Variants in NAF1 observed in about 807,000 individuals in gnomAD.
NAF1 encodes the protein H/ACA ribonucleoprotein complex non-core subunit NAF1.
Under a neutral mutation model 40.6 loss-of-function variants are expected in NAF1, and 11 were observed. The ratio of observed to expected loss-of-function variants is 0.27; its 90% CI spans 0.17 to 0.45. The LOEUF (loss-of-function observed/expected upper bound fraction) is 0.45, where lower values mean the gene tolerates loss of function less well. Ranked by LOEUF, NAF1 falls within the 20% of genes least tolerant of loss-of-function variation. The pLI is 1.00. For synonymous variants in NAF1, 260 were observed against 228.5 expected, an observed-to-expected ratio of 1.14 and a Z score of -1.24; for missense variants, 607 against 611.1, an observed-to-expected ratio of 0.99 and a Z score of 0.07.
At chr4:163,158,190 ACCCAACACAGGACATGCACGTG>A (rs948467409) in intron 2 of NAF1, 1 of 152,122 alleles carries the variant, frequency 6.6e-6, no homozygotes, top group African/African-American at 2.4e-5. Flanking sequence ...TTCTCATATT[ACCCAACACAGGACATGCACGTG>A]GCAGCCAATT....
At chr4:163,134,960 A>C (rs1730999495) in intron 6 of NAF1, 1 of 152,138 alleles carries the variant, frequency 6.6e-6, no homozygotes, top group Admixed American at 6.5e-5. Context: ...CTCTGGTAGT[A>C]TTTTGCTATC....
intron 2 of NAF1, among the ~76,000 whole-genome samples, chr4:163,158,740 CCTAT>C (rs1385925361): frequency 6.6e-6 from 1 of 152,076 alleles, no homozygotes; most frequent in African/African-American, 2.4e-5. Context: ...TAACTTTAAG[CCTAT>C]CTTTCATGTT....
At chr4:163,156,422 CCT>C (rs1351535092) in intron 2 of NAF1, among the ~76,000 whole-genome samples, 1 of 147,354 alleles carries the variant, frequency 6.8e-6, no homozygotes, top group Admixed American at 6.8e-5. Context: ...ACCAACAACC[CCT>C]GTTAAAAGAA....
At chr4:163,148,824 C>A (rs1056781677) in intron 2 of NAF1, among the ~76,000 whole-genome samples, 1 of 152,114 alleles carries the variant, frequency 6.6e-6, no homozygotes, top group African/African-American at 2.4e-5. Flanking sequence ...CACATAAGTT[C>A]TTTTAGCTGT....
intron 3 of NAF1, among the ~76,000 whole-genome samples, chr4:163,147,170 A>G (rs1394395436): frequency 6.6e-6 from 1 of 152,206 alleles, no homozygotes; most frequent in Non-Finnish European, 1.5e-5. Flanking sequence ...ATTTTAATCT[A>G]CATTTTTATT....
intron 4 of NAF1, chr4:163,141,945 C>A (rs2110941092): frequency 1.0e-6 from 1 of 980,544 alleles, no homozygotes; most frequent in African/African-American, 1.7e-5. Flanking sequence ...CAGGGCACCA[C>A]CATTCTGAAG....
the NAF1 span, among the ~76,000 whole-genome samples, chr4:163,104,845 G>A: frequency 1.3e-5 from 2 of 152,172 alleles, no homozygotes; most frequent in African/African-American, 2.4e-5. Context: ...AAATGACTAG[G>A]AAAGCTATTA....
chr4:163,105,675 A>G (rs1051847033), downstream of NAF1, among the ~76,000 whole-genome samples: 1 of 152,204 alleles, frequency 6.6e-6, no homozygotes, highest in Non-Finnish European at 1.5e-5. Flanking sequence ...TCCCTACAAA[A>G]TAGAATGCCT....
At position 163,115,208 on chromosome 4, in the gene NAF1, TTTA is replaced by T. The variant is rs1422015881; in HGVS notation, c.115-4921_115-4919del. ...GCGATATAGGACAATAATTTTTTTA[TTTA>T]TTTTTTTTTTTTTTTGAGACAGAGT... On this transcript the variant is annotated intron_variant, in intron 2 of 2. Transcript: ENST00000509434. 4.1e-4 allele frequency among the ~76,000 whole-genome samples: 29 copies of T among 70,978 alleles called. 3 individuals are homozygous for T. The highest frequency in any genetic ancestry group is 1.1e-3 in the African/African-American group (14 of 12,282). The allele number at this position is 70,978 out of a possible 152,430, so 46.6% of individuals were successfully genotyped here.
At chr4:163,127,703 T>TAGTA (rs1730706955), downstream of NAF1, among the ~76,000 whole-genome samples, 1 of 152,152 alleles carries the variant, frequency 6.6e-6, no homozygotes, top group Non-Finnish European at 1.5e-5. Context: ...AGGCAGAGCC[T>TAGTA]CTCAACTTGT....
intron 1 of NAF1, among the ~76,000 whole-genome samples, 158 bp downstream of exon 1, chr4:163,166,205 C>A (rs1448907627): frequency 6.6e-6 from 1 of 152,214 alleles, no homozygotes; most frequent in East Asian, 1.9e-4. Context: ...GAATAAGGGG[C>A]AGTCGGAGCC....
chr4:163,163,035 A>G (rs1732289179), intron 2 of NAF1, among the ~76,000 whole-genome samples: 1 of 152,244 alleles, frequency 6.6e-6, no homozygotes, highest in East Asian at 1.9e-4. Context: ...ATGCATTTAC[A>G]GAAGTACTGT....
At position 163,148,368 on chromosome 4, in the gene NAF1, T is replaced by C; in HGVS notation, c.607A>G (p.Met203Val). Residue 203 changes from methionine to valine, a missense_variant, in exon 3 of 8, where the codon ATG becomes GTG. This residue lies in a region of NAF1 where 407 missense variants were observed against 365.5 expected (regional missense o/e 1.11). Coordinates refer to ENST00000274054, the MANE Select transcript of NAF1 (RefSeq NM_138386.3). Reference sequence around the variant, plus strand: ...AGTTGTTCAATAATACTTGAAACCATCCCAAGAGGCTTTAACTCAATATCT... The same window carrying C: ...AGTTGTTCAATAATACTTGAAACCACCCCAAGAGGCTTTAACTCAATATCT... Reference protein sequence around the residue: ...PEDIELKPLGMVSSIIEQLVI... With the variant: ...PEDIELKPLGVVSSIIEQLVI... 1 of 1,575,902 alleles carries C rather than the reference T, an allele frequency of 6.3e-7. No homozygotes were observed. The highest frequency in any genetic ancestry group is 8.6e-7 in the Non-Finnish European group (1 of 1,167,020).
downstream of NAF1, among the ~76,000 whole-genome samples, chr4:163,109,703 C>G (rs1036544038): frequency 6.6e-6 from 1 of 152,158 alleles, no homozygotes; most frequent in Non-Finnish European, 1.5e-5. Flanking sequence ...TCTGTGAGGT[C>G]CCCAAGTGGC....
intron 1 of NAF1, 53 bp downstream of exon 1, chr4:163,166,310 C>A: frequency 6.6e-7 from 1 of 1,515,842 alleles, no homozygotes; most frequent in South Asian, 1.3e-5. Flanking sequence ...CAGCCACCCC[C>A]GCCCGTCATA....
chr4:163,155,224 CATT>C (rs1731928748), intron 2 of NAF1, among the ~76,000 whole-genome samples: 2 of 152,140 alleles, frequency 1.3e-5, no homozygotes, highest in South Asian at 4.1e-4. Flanking sequence ...TTTCTAAACA[CATT>C]GTTGTCCAAT....
Position 163,140,207 on chromosome 4 carries a change from C to T in NAF1, c.878+16G>A, listed in dbSNP as rs1731203489. The T allele has an allele frequency of 1.9e-6, 3 of 1,557,498 alleles. No individual in the cohort carries two copies. Among genetic ancestry groups the T allele is most frequent in the Non-Finnish European group, 2.6e-6 (3 of 1,157,756 alleles). On this transcript the variant is annotated intron_variant, in intron 5 of 7. Coordinates refer to ENST00000274054, the MANE Select transcript of NAF1 (RefSeq NM_138386.3). ...CGTTAGGTAAGTGAAGAACAACATG[C>T]CGGTAAAGTACTTACTGTTTTAGTT... is the stretch of plus-strand genomic sequence containing the variant.
At chr4:163,124,071 T>G (rs1283543922), downstream of NAF1, among the ~76,000 whole-genome samples, 1 of 152,184 alleles carries the variant, frequency 6.6e-6, no homozygotes. Context: ...CAATAGAAAT[T>G]TATGCTGGGC....
chr4:163,144,918 TAA>T (rs1457267483), intron 4 of NAF1, among the ~76,000 whole-genome samples: 1 of 152,162 alleles, frequency 6.6e-6, no homozygotes, highest in African/African-American at 2.4e-5. Context: ...AGTTAGGTAC[TAA>T]GAAAAAAAGA....
Sources: gnomAD v4.1 joint callset for allele counts (sites outside exome capture counted in the v4.1 genomes callset) on GRCh38, gnomAD v4.1.1 for gene constraint, gnomAD v4.1.1 regional missense constraint, MANE v1.5 for transcripts, NCBI Gene and HGNC (gene_info 2026-07-23, HGNC 2026-07-21) for gene names.